PHACTR1: variants seen among roughly 807,000 people sequenced by gnomAD.
PHACTR1 encodes the protein RPEL repeat containing 1.
PHACTR1 carries 16 observed loss-of-function variants against 69.2 expected under a neutral mutation model. The ratio of observed to expected loss-of-function variants is 0.23; its 90% CI spans 0.16 to 0.35. The LOEUF (loss-of-function observed/expected upper bound fraction) is 0.35. Ranked by LOEUF, PHACTR1 falls within the 10% of genes least tolerant of loss-of-function variation. PHACTR1 has a pLI of 1.00. For missense variants in PHACTR1, 510 were observed against 734.7 expected, an observed-to-expected ratio of 0.69 and a Z score of 3.54; for synonymous variants, 312 against 284.5, an observed-to-expected ratio of 1.10 and a Z score of -0.97.
At chr6:12,795,502 C>T (rs1772869632) in intron 4 of PHACTR1, among the ~76,000 whole-genome samples, 1 of 152,088 alleles carries the variant, frequency 6.6e-6, no homozygotes, top group Non-Finnish European at 1.5e-5. Flanking sequence ...TTTGATTCAC[C>T]AATGAGTTGG....
chr6:12,899,932 C>G (rs544737070), intron 4 of PHACTR1, among the ~76,000 whole-genome samples: 17 of 152,332 alleles, frequency 1.1e-4, no homozygotes, highest in Non-Finnish European at 1.8e-4. Context: ...GCCATCATCA[C>G]TGGGGACACA....
chr6:13,267,210 A>G (rs1030766845), intron 10 of PHACTR1: 1 of 152,228 alleles, frequency 6.6e-6, no homozygotes, highest in African/African-American at 2.4e-5. Flanking sequence ...TCTGGTACCT[A>G]ATGTAGAACC....
intron 5 of PHACTR1, among the ~76,000 whole-genome samples, chr6:13,143,588 A>C (rs1158647601): frequency 3.3e-5 from 5 of 152,198 alleles, no homozygotes; most frequent in African/African-American, 7.2e-5. Context: ...CAATTGTGGA[A>C]ATTTGCATTT....
At chr6:13,096,894 G>C (rs1474193695) in intron 5 of PHACTR1, among the ~76,000 whole-genome samples, 1 of 152,146 alleles carries the variant, frequency 6.6e-6, no homozygotes, top group Admixed American at 6.5e-5. Flanking sequence ...CTGGAATACA[G>C]AAAGAGCTTT....
intron 8 of PHACTR1, among the ~76,000 whole-genome samples, chr6:13,213,066 C>T (rs540735816): frequency 6.6e-6 from 1 of 151,582 alleles, no homozygotes; most frequent in East Asian, 1.9e-4. Context: ...AGAGTGCCTA[C>T]AACAGGGCCT....
rs530287351 is a variant in PHACTR1, at chr6:13,212,647, C to T, written c.986+6511C>T. ...CGGACTGCCCCTGTGGTCTCCCTCG[C>T]TTCATCAGCTCCCCTCTCTGTTGCT... On this transcript the variant is annotated intron_variant, in intron 8 of 14. Transcript: ENST00000332995. Among the ~76,000 whole-genome samples, 6 of 152,258 alleles carry T rather than the reference C, an allele frequency of 3.9e-5. No homozygotes were observed. In the East Asian group the frequency reaches 9.7e-4, roughly 25 times the overall value.
chr6:12,733,675 C>A (rs149857449), intron 3 of PHACTR1, among the ~76,000 whole-genome samples: 1 of 152,166 alleles, frequency 6.6e-6, no homozygotes, highest in Non-Finnish European at 1.5e-5. Context: ...GGATTAAAGC[C>A]CCTGCAGCCT....
At chr6:13,100,482 G>A (rs1346091436) in intron 5 of PHACTR1, among the ~76,000 whole-genome samples, 1 of 152,058 alleles carries the variant, frequency 6.6e-6, no homozygotes, top group Non-Finnish European at 1.5e-5. Flanking sequence ...CTCTCCACTC[G>A]CTCACCTCCA....
At chr6:12,851,617 A>G (rs988641668) in intron 4 of PHACTR1, among the ~76,000 whole-genome samples, 8 of 152,230 alleles carry the variant, frequency 5.3e-5, no homozygotes, top group Admixed American at 4.6e-4. Context: ...AATTACACAG[A>G]CGTCACATGC....
intron 4 of PHACTR1, among the ~76,000 whole-genome samples, chr6:12,935,870 T>C (rs552085102): frequency 1.3e-5 from 2 of 152,268 alleles, no homozygotes; most frequent in South Asian, 2.1e-4. Flanking sequence ...CATGCAAGCA[T>C]AGACTCCTGA....
chr6:13,282,074 T>C (rs946791417), intron 12 of PHACTR1, among the ~76,000 whole-genome samples: 6 of 152,236 alleles, frequency 3.9e-5, no homozygotes, highest in Admixed American at 1.3e-4. Flanking sequence ...AGTTGGAACA[T>C]TCTCGCACTA....
At chr6:13,231,455 AGAAG>A (rs56339944) in intron 10 of PHACTR1, among the ~76,000 whole-genome samples, 61,916 of 137,038 alleles carry the variant, frequency 0.45, 16,743 homozygotes, top group Non-Finnish European at 0.6. Flanking sequence ...GAGGAAGGAA[AGAAG>A]GAAGGAAGGA....
chr6:13,013,078 A>T (rs940567866), intron 4 of PHACTR1, among the ~76,000 whole-genome samples: 1 of 152,210 alleles, frequency 6.6e-6, no homozygotes, highest in South Asian at 2.1e-4. Context: ...TTTTAAAGAA[A>T]AGACCCTGTT....
rs139605748 is a variant in PHACTR1 at position 13,231,581 on chromosome 6, ACT to A, written c.1391+1393_1391+1394del. 3.2e-3 allele frequency among the ~76,000 whole-genome samples: 486 copies of A among 152,194 alleles called. 2 individuals are homozygous for A. Among genetic ancestry groups the A allele is most frequent in the African/African-American group, 0.011 (461 of 41,540 alleles). ...AAGCACAAAGCAATCAGACAAACAC[ACT>A]CTCTGATATACGGTTAAGTGGTTGG... On this transcript the variant is annotated intron_variant, in intron 10 of 14. Coordinates refer to ENST00000332995, the MANE Select transcript of PHACTR1 (RefSeq NM_030948.6).
chr6:13,055,523 A>T (rs1352790936), intron 5 of PHACTR1, among the ~76,000 whole-genome samples: 2 of 152,258 alleles, frequency 1.3e-5, no homozygotes, highest in East Asian at 3.8e-4. Flanking sequence ...GCATTGAAAA[A>T]AATATATATA....
rs142776163 is a variant in PHACTR1, at chr6:13,057,770, C to T, written c.415+4241C>T. On this transcript the variant is annotated intron_variant, in intron 5 of 14. Transcript: ENST00000332995. ...ACGTTTCCCTCAATTTTGACATCAA[C>T]GATTACATGGATGTTTTGGACGTAG... Among the ~76,000 whole-genome samples, 260 of 152,236 alleles carry T rather than the reference C, an allele frequency of 1.7e-3. 4 individuals carry two copies. The highest frequency in any genetic ancestry group is 0.011 in the South Asian group (54 of 4,810).
At chr6:13,008,597 G>T (rs1417213365) in intron 4 of PHACTR1, among the ~76,000 whole-genome samples, 1 of 152,060 alleles carries the variant, frequency 6.6e-6, no homozygotes, top group African/African-American at 2.4e-5. Flanking sequence ...TCTAGCATCT[G>T]CAAAAAACAA....
chr6:13,238,270 G>T (rs364419), intron 10 of PHACTR1, among the ~76,000 whole-genome samples: 20,456 of 152,160 alleles, frequency 0.13, 1,973 homozygotes, highest in African/African-American at 0.24. Context: ...AAGCCCCATG[G>T]GGTAGATCAG....
At chr6:12,898,918 A>T (rs1320299336) in intron 4 of PHACTR1, among the ~76,000 whole-genome samples, 1 of 152,106 alleles carries the variant, frequency 6.6e-6, no homozygotes, top group African/African-American at 2.4e-5. Flanking sequence ...GCCTCGCTGT[A>T]TCTCACCCCT....
Sources: allele counts gnomAD v4.1 joint callset (sites outside exome capture counted in the v4.1 genomes callset), GRCh38; gene constraint gnomAD v4.1.1; transcripts MANE v1.5; gene names NCBI Gene and HGNC (gene_info 2026-07-23, HGNC 2026-07-21).